NRG3: variants seen among roughly 807,000 people sequenced by gnomAD.
NRG3 encodes pro-neuregulin-3, membrane-bound isoform.
NRG3 carries 31 observed loss-of-function variants against 66.9 expected under a neutral mutation model. That is an observed-to-expected ratio of 0.46 (90% CI 0.35 to 0.63). The LOEUF (loss-of-function observed/expected upper bound fraction) is 0.63, where lower values mean the gene tolerates loss of function less well. Among genes scored for constraint, NRG3 ranks in the 20% least tolerant of loss-of-function variants. The probability of loss-of-function intolerance (pLI) is 0.00; values close to 1 mark genes in which losing one functional copy is unlikely to be tolerated. For missense variants in NRG3, 910 were observed against 878.9 expected (o/e 1.04, Z -0.45); for synonymous variants, 393 against 359.4 (o/e 1.09, Z -1.06).
chr10:82,025,862 G>T (rs1231323305), intron 1 of NRG3, among the ~76,000 whole-genome samples: 2 of 151,900 alleles, frequency 1.3e-5, no homozygotes, highest in Admixed American at 1.3e-4. Flanking sequence ...TTTGATAGCT[G>T]AGCTGGTGAG....
At chr10:82,812,946 T>C (rs1004429801) in intron 3 of NRG3, among the ~76,000 whole-genome samples, 2 of 152,174 alleles carry the variant, frequency 1.3e-5, no homozygotes, top group Non-Finnish European at 2.9e-5. Flanking sequence ...TATAAAAGTG[T>C]TAGAAAAATC....
intron 3 of NRG3, among the ~76,000 whole-genome samples, chr10:82,802,000 C>CA (rs35635823): frequency 3.9e-5 from 6 of 151,972 alleles, no homozygotes; most frequent in African/African-American, 1.5e-4. Flanking sequence ...CATCTCTTAC[C>CA]AAAAAAGTAG....
intron 1 of NRG3, among the ~76,000 whole-genome samples, chr10:82,043,626 A>G (rs748855811): frequency 2.0e-5 from 3 of 152,010 alleles, no homozygotes; most frequent in South Asian, 4.1e-4. Flanking sequence ...TCACCTCCAC[A>G]CATGGAATAA....
At chr10:82,143,488 T>C (rs868638496) in intron 1 of NRG3, among the ~76,000 whole-genome samples, 78 of 152,150 alleles carry the variant, frequency 5.1e-4, no homozygotes, top group Admixed American at 4.0e-3. Context: ...TATTGAAAGA[T>C]TGTGGACTAG....
At chr10:82,591,588 T>C (rs1259692689) in intron 2 of NRG3, among the ~76,000 whole-genome samples, 2 of 152,244 alleles carry the variant, frequency 1.3e-5, no homozygotes, top group African/African-American at 4.8e-5. Flanking sequence ...ATTGACTTTC[T>C]TTGACTGTAT....
At chr10:82,687,329 A>G (rs1175937386) in intron 2 of NRG3, among the ~76,000 whole-genome samples, 2 of 151,996 alleles carry the variant, frequency 1.3e-5, no homozygotes, top group Non-Finnish European at 2.9e-5. Context: ...TGCCTAATTA[A>G]CATTCCTCCA....
intron 2 of NRG3, among the ~76,000 whole-genome samples, chr10:82,374,989 G>A (rs916525315): frequency 1.7e-4 from 26 of 152,176 alleles, no homozygotes; most frequent in African/African-American, 5.8e-4. Context: ...TCTCATCCAC[G>A]ATGGTTTTAA....
At chr10:82,022,563 T>C (rs1276499939) in intron 1 of NRG3, among the ~76,000 whole-genome samples, 2 of 152,134 alleles carry the variant, frequency 1.3e-5, no homozygotes, top group African/African-American at 4.8e-5. Flanking sequence ...TTCTTCATTA[T>C]TGGTGTACTT....
intron 3 of NRG3, among the ~76,000 whole-genome samples, chr10:82,754,572 T>A (rs568235495): frequency 1.3e-5 from 2 of 151,726 alleles, no homozygotes; most frequent in Admixed American, 6.6e-5. Flanking sequence ...ATTGCTTTGC[T>A]TCTGGAAATG....
At chr10:82,094,459 T>G (rs1386765678) in intron 1 of NRG3, among the ~76,000 whole-genome samples, 2 of 152,212 alleles carry the variant, frequency 1.3e-5, no homozygotes, top group Non-Finnish European at 1.5e-5. Flanking sequence ...TAGAAATAGA[T>G]CTACCTTTTG....
chr10:82,845,622 AAG>A (rs2063275894), intron 3 of NRG3, among the ~76,000 whole-genome samples: 1 of 152,226 alleles, frequency 6.6e-6, no homozygotes, highest in African/African-American at 2.4e-5. Context: ...AGAAAATAAA[AAG>A]GAAAAAAAAC....
At chr10:82,838,438 C>T (rs1237771722) in intron 3 of NRG3, among the ~76,000 whole-genome samples, 1 of 152,014 alleles carries the variant, frequency 6.6e-6, no homozygotes, top group Non-Finnish European at 1.5e-5. Context: ...AATAGATGCC[C>T]ATCTCTTTCA....
intron 1 of NRG3, among the ~76,000 whole-genome samples, chr10:81,883,983 G>T (rs1842402130): frequency 6.6e-6 from 1 of 152,164 alleles, no homozygotes; most frequent in African/African-American, 2.4e-5. Flanking sequence ...CATTCTTCGT[G>T]TTATTTATTT....
chr10:81,998,381 AATCCTGCCT>A (rs2061027070), intron 1 of NRG3, among the ~76,000 whole-genome samples: 1 of 152,128 alleles, frequency 6.6e-6, no homozygotes, highest in African/African-American at 2.4e-5. Context: ...ACCTCTTTAT[AATCCTGCCT>A]CCCAAACTGG....
chr10:82,592,574 G>A (rs1296698538), intron 2 of NRG3, among the ~76,000 whole-genome samples: 1 of 152,182 alleles, frequency 6.6e-6, no homozygotes, highest in Non-Finnish European at 1.5e-5. Context: ...CCAGCACATA[G>A]CAGAGGCAGT....
intron 2 of NRG3, among the ~76,000 whole-genome samples, chr10:82,717,513 C>A (rs944237050): frequency 6.6e-6 from 1 of 151,064 alleles, no homozygotes; most frequent in Admixed American, 6.6e-5. Context: ...CATCCTCCTG[C>A]CTCAGCCTCC....
At chr10:82,622,217 T>C (rs1373052917) in intron 2 of NRG3, among the ~76,000 whole-genome samples, 1 of 151,986 alleles carries the variant, frequency 6.6e-6, no homozygotes, top group Admixed American at 6.6e-5. Flanking sequence ...GGTAATACTA[T>C]TTTTTTGCAG....
chr10:82,711,100 A>G (rs1406077510), intron 2 of NRG3, among the ~76,000 whole-genome samples: 1 of 152,118 alleles, frequency 6.6e-6, no homozygotes, highest in Admixed American at 6.5e-5. Context: ...TTAATTAGAG[A>G]CAGGGTCTCA....
chr10:82,396,992 C>G (rs1487374869), intron 2 of NRG3, among the ~76,000 whole-genome samples: 1 of 152,166 alleles, frequency 6.6e-6, no homozygotes, highest in Non-Finnish European at 1.5e-5. Flanking sequence ...TAACTTTTCT[C>G]ATTCTTGTCT....
Sources: gnomAD v4.1 joint callset for allele counts (sites outside exome capture counted in the v4.1 genomes callset) on GRCh38, gnomAD v4.1.1 for gene constraint, MANE v1.5 for transcripts, NCBI Gene and HGNC (gene_info 2026-07-23, HGNC 2026-07-21) for gene names.